SMG6: variants seen among roughly 807,000 people sequenced by gnomAD.
SMG6 encodes the protein telomerase-binding protein EST1A.
A neutral mutation model predicts 142.2 loss-of-function variants in SMG6; 66 were observed. The observed-to-expected ratio is 0.46, with a 90% confidence interval of 0.38 to 0.57. The LOEUF (loss-of-function observed/expected upper bound fraction) is 0.57, where lower values mean the gene tolerates loss of function less well. Among genes scored for constraint, SMG6 ranks in the 20% least tolerant of loss-of-function variants. The pLI, the probability that SMG6 is intolerant of heterozygous loss-of-function variation, is 0.00. For missense variants in SMG6, 1,793 were observed against 1,832.0 expected, an observed-to-expected ratio of 0.98 and a Z score of 0.39; for synonymous variants, 779 against 702.4, an observed-to-expected ratio of 1.11 and a Z score of -1.72.
rs755566080 is a variant in SMG6, at chr17:2,068,808, T to C, written c.3805A>G (p.Arg1269Gly). The part of the protein sequence containing the change: ...LASLARLLES[R>G]KYILVVPLIV... ...AGGGGCACCACCAGGATGTACTTCC[T>C]GCTCTCCAGCAGCCGCGCCAGACTG... The change falls in exon 16 of 19, where the codon AGG becomes GGG. Residue 1269 changes from arginine (R) to glycine (G), a missense_variant. Arg to Gly is a moderately radical substitution (Grantham distance 125, BLOSUM62 -2). Around this residue, in one of 3 missense-constraint regions of SMG6, gnomAD observed 179 missense variants for 212.6 expected, o/e 0.84. Transcript: ENST00000263073. This position sits in a 1 kb window ranked among gnomAD's most constrained non-coding sequence, Gnocchi z 6.7. 1 of 1,614,222 alleles carries C rather than the reference T, an allele frequency of 6.2e-7. No individual in the cohort carries two copies. The highest frequency in any genetic ancestry group is 8.5e-7 in the Non-Finnish European group (1 of 1,180,030).
At chr17:2,285,419 T>C (rs1223090387) in intron 6 of SMG6, among the ~76,000 whole-genome samples, 1 of 152,046 alleles carries the variant, frequency 6.6e-6, no homozygotes, top group African/African-American at 2.4e-5. Context: ...AAAAAGAAAA[T>C]TTAATTCAAA....
chr17:2,201,611 G>A (rs2072525456), intron 10 of SMG6, among the ~76,000 whole-genome samples: 1 of 151,618 alleles, frequency 6.6e-6, no homozygotes, highest in African/African-American at 2.4e-5. Flanking sequence ...CCTGGGAGGT[G>A]GAGGTTGTAG....
chr17:2,223,013 G>A (rs780204875), intron 10 of SMG6, among the ~76,000 whole-genome samples: 4 of 152,218 alleles, frequency 2.6e-5, no homozygotes, highest in Non-Finnish European at 4.4e-5. Flanking sequence ...ACAGGATGAC[G>A]TCACAGGTGT....
At chr17:2,086,297 C>T (rs2068560076) in intron 13 of SMG6, among the ~76,000 whole-genome samples, 2 of 152,104 alleles carry the variant, frequency 1.3e-5, no homozygotes, top group African/African-American at 4.8e-5. Context: ...TGGGGCCCCT[C>T]GCTGCCACTC....
At chr17:2,065,244 GGC>G in intron 17 of SMG6, 90 bp from the exon 18 acceptor site, 1 of 1,186,502 alleles carries the variant, frequency 8.4e-7, no homozygotes, top group Non-Finnish European at 1.2e-6. Flanking sequence ...GGGGGCCCTG[GGC>G]AGGGCCACCT....
At chr17:2,195,077 G>A (rs1446781033) in intron 10 of SMG6, among the ~76,000 whole-genome samples, 1 of 152,182 alleles carries the variant, frequency 6.6e-6, no homozygotes, top group East Asian at 1.9e-4. Context: ...TGCTCCCTGT[G>A]GAAGCCATTA....
intron 13 of SMG6, among the ~76,000 whole-genome samples, chr17:2,113,610 A>C (rs1400977641): frequency 6.6e-6 from 1 of 152,222 alleles, no homozygotes; most frequent in African/African-American, 2.4e-5. Context: ...TGGCATTCTT[A>C]TCAAATGAAA....
intron 8 of SMG6, among the ~76,000 whole-genome samples, chr17:2,272,704 C>T (rs536527355): frequency 2.8e-4 from 43 of 151,820 alleles, no homozygotes; most frequent in Admixed American, 3.9e-4. Flanking sequence ...TTTGGGAGGC[C>T]GAGGCAGGCG....
intron 8 of SMG6, among the ~76,000 whole-genome samples, chr17:2,273,248 G>A (rs2074577254): frequency 6.6e-6 from 1 of 152,218 alleles, no homozygotes; most frequent in African/African-American, 2.4e-5. Context: ...AGGTGTGGTG[G>A]CTCATGCCTG....
chr17:2,120,010 G>A (rs765704405), intron 13 of SMG6, among the ~76,000 whole-genome samples: 44 of 152,148 alleles, frequency 2.9e-4, no homozygotes, highest in Non-Finnish European at 5.4e-4. Flanking sequence ...GTTTCACCGT[G>A]TTGGTAAGGC....
intron 13 of SMG6, among the ~76,000 whole-genome samples, chr17:2,104,033 C>A (rs1432458292): frequency 6.6e-6 from 1 of 151,662 alleles, no homozygotes; most frequent in African/African-American, 2.4e-5. Context: ...CTCACTGCAA[C>A]CTCTGCTTCC....
chr17:2,286,054 G>A (rs1226205963), intron 6 of SMG6, among the ~76,000 whole-genome samples: 2 of 152,070 alleles, frequency 1.3e-5, no homozygotes, highest in Non-Finnish European at 2.9e-5. Context: ...CAAAAAGAAT[G>A]ACATACTTAG....
chr17:2,183,127 G>A (rs1361277330), intron 12 of SMG6, among the ~76,000 whole-genome samples: 1 of 152,144 alleles, frequency 6.6e-6, no homozygotes, highest in African/African-American at 2.4e-5. Context: ...TTGGGAGACT[G>A]AGGTGGGAGA....
At chr17:2,174,688 CCT>C (rs1392594341) in intron 12 of SMG6, among the ~76,000 whole-genome samples, 1 of 152,148 alleles carries the variant, frequency 6.6e-6, no homozygotes, top group African/African-American at 2.4e-5. Flanking sequence ...TTTTCTAAAG[CCT>C]CTCTCAGCGC....
chr17:2,230,222 G>GGAAAAAAAAAAAA (rs2073440665), intron 10 of SMG6, among the ~76,000 whole-genome samples: 1 of 29,848 alleles, frequency 3.4e-5, no homozygotes, highest in African/African-American at 1.4e-4. Context: ...AAAAAAAAAA[G>GGAAAAAAAAAAAA]GAAAAGAAAG....
intron 8 of SMG6, among the ~76,000 whole-genome samples, chr17:2,262,247 C>T (rs2074332369): frequency 6.6e-6 from 1 of 152,212 alleles, no homozygotes; most frequent in Non-Finnish European, 1.5e-5. Context: ...GGGCTTGGCT[C>T]AGAAAGCTTC....
chr17:2,074,285 C>A (rs1378002329), intron 15 of SMG6, among the ~76,000 whole-genome samples: 1 of 152,024 alleles, frequency 6.6e-6, no homozygotes, highest in Non-Finnish European at 1.5e-5. Context: ...TGTATCTTAA[C>A]TATGTGGATG....
chr17:2,188,626 C>T, intron 10 of SMG6, 111 bp from the exon 11 acceptor site: 1 of 902,836 alleles, frequency 1.1e-6, no homozygotes, highest in South Asian at 1.5e-5. Flanking sequence ...AGTGATATTC[C>T]CTCTCTCAGA....
intron 8 of SMG6, chr17:2,255,809 A>G (rs1482334697): frequency 1.3e-5 from 3 of 227,350 alleles, no homozygotes; most frequent in African/African-American, 4.7e-5. Flanking sequence ...GGAAGTAGAC[A>G]TGGGAGACTT....
Sources: gnomAD v4.1 joint callset for allele counts (sites outside exome capture counted in the v4.1 genomes callset) on GRCh38, gnomAD v4.1.1 for gene constraint, gnomAD v4.1.1 regional missense constraint, Gnocchi (gnomAD v3.1) non-coding constraint, MANE v1.5 for transcripts, NCBI Gene and HGNC (gene_info 2026-07-23, HGNC 2026-07-21) for gene names.